The following TRIO variants were observed in gnomAD, a reference collection of about 807,000 sequenced individuals.
TRIO encodes triple functional domain protein.
In TRIO, 58 loss-of-function variants were observed where a neutral mutation model predicts 351.9. That is an observed-to-expected ratio of 0.16 (90% CI 0.13 to 0.21). The LOEUF is 0.21. Ranked by LOEUF, TRIO falls within the 10% of genes least tolerant of loss-of-function variation. TRIO has a pLI of 1.00. For missense variants in TRIO, 3,201 were observed against 4,027.8 expected, an observed-to-expected ratio of 0.79 and a Z score of 5.56; for synonymous variants, 1,758 against 1,595.7, an observed-to-expected ratio of 1.10 and a Z score of -2.42.
intron 34 of TRIO, among the ~76,000 whole-genome samples, chr5:14,435,316 C>T (rs956544632): frequency 2.6e-5 from 4 of 152,188 alleles, no homozygotes; most frequent in African/African-American, 9.7e-5. Context: ...AAGCTGAGCT[C>T]CTCCCCGCTG....
chr5:14,233,316 T>TAAAAAA (rs35925373), intron 1 of TRIO, among the ~76,000 whole-genome samples: 1 of 109,214 alleles, frequency 9.2e-6, no homozygotes, highest in African/African-American at 3.7e-5. Context: ...CCTCGTCTCT[T>TAAAAAA]AAAAAAAAAA....
At position 14,498,481 on chromosome 5, in the gene TRIO, C is replaced by T. The variant is rs1278140527; in HGVS notation, c.8211-38C>T. The T allele has an allele frequency of 2.5e-6, 4 of 1,601,330 alleles. No homozygotes were observed. The South Asian group carries it at 3.3e-5, about 13-fold the overall frequency. On this transcript the variant is annotated intron_variant, in intron 52 of 56. Transcript: ENST00000344204. ...CCAGCGCTGATGGCCACGTGCTCAG[C>T]TTTTCTGATGCGCAGTGTGTTCCCA...
At position 14,497,729 on chromosome 5, in the gene TRIO, A is replaced by G. The variant is rs995191700; in HGVS notation, c.8020-118A>G. ...GTGAAAATGTGGTCTGTTTTGATTGATGCCCAGGCAAGTCAGTTTCTGCAA... is the reference window on the plus strand; with the variant it reads ...GTGAAAATGTGGTCTGTTTTGATTGGTGCCCAGGCAAGTCAGTTTCTGCAA... On this transcript the variant is annotated intron_variant, in intron 50 of 56. Coordinates refer to ENST00000344204, the MANE Select transcript of TRIO (RefSeq NM_007118.4). This position sits in a 1 kb window ranked among gnomAD's most constrained non-coding sequence, Gnocchi z 4.4. 7.5e-7 allele frequency: 1 copy of G among 1,332,810 alleles called. No individual in the cohort carries two copies. The highest frequency in any genetic ancestry group is 1.4e-5 in the African/African-American group (1 of 69,082). The allele number at this position is 1,332,810 out of a possible 1,614,324, so 82.6% of individuals were successfully genotyped here.
At chr5:14,404,389 C>A (rs1217161714) in intron 31 of TRIO, among the ~76,000 whole-genome samples, 1 of 152,032 alleles carries the variant, frequency 6.6e-6, no homozygotes, top group African/African-American at 2.4e-5. Flanking sequence ...GAAAAACTGA[C>A]ATCTTTTTTC....
At chr5:14,157,184 C>CTGT (rs1430356034) in intron 1 of TRIO, among the ~76,000 whole-genome samples, 1 of 152,128 alleles carries the variant, frequency 6.6e-6, no homozygotes, top group Non-Finnish European at 1.5e-5. Flanking sequence ...ACTTGAAAGA[C>CTGT]TGTTGCTTAC....
intron 43 of TRIO, 119 bp from the exon 44 acceptor site, chr5:14,481,115 C>T: frequency 1.9e-6 from 2 of 1,053,104 alleles, no homozygotes; most frequent in Non-Finnish European, 2.8e-6. Flanking sequence ...CACTTGAGGC[C>T]AGGAGTTCAA....
intron 48 of TRIO, chr5:14,490,807 G>A (rs1427646717): frequency 4.4e-6 from 2 of 456,078 alleles, no homozygotes; most frequent in Non-Finnish European, 8.8e-6. Context: ...ACCAAAAGCA[G>A]CTGTGCTGCA....
chr5:14,507,843 G>T (rs139200330), intron 56 of TRIO, 37 bp from the exon 57 acceptor site: 2 of 1,587,818 alleles, frequency 1.3e-6, no homozygotes, highest in African/African-American at 1.3e-5. Context: ...CTTAAGATTG[G>T]ATGGTCTGAA....
At chr5:14,304,028 A>G (rs551138189) in intron 7 of TRIO, among the ~76,000 whole-genome samples, 4 of 152,322 alleles carry the variant, frequency 2.6e-5, no homozygotes, top group African/African-American at 9.6e-5. Context: ...GTGTAGCTGC[A>G]AGGAGAAGGA....
intron 2 of TRIO, among the ~76,000 whole-genome samples, chr5:14,274,753 A>G (rs1466448392): frequency 6.6e-6 from 1 of 152,196 alleles, no homozygotes; most frequent in East Asian, 1.9e-4. Context: ...TTTCAAATGC[A>G]TGATTTTAAA....
chr5:14,381,707 T>C (rs434279), intron 21 of TRIO, among the ~76,000 whole-genome samples: 42,269 of 152,208 alleles, frequency 0.28, 6,051 homozygotes, highest in Middle Eastern at 0.37. Context: ...ACGCTCAGTT[T>C]AGTCTGCAGT....
At chr5:14,314,736 A>T (rs914632416) in intron 8 of TRIO, among the ~76,000 whole-genome samples, 5 of 152,240 alleles carry the variant, frequency 3.3e-5, no homozygotes, top group African/African-American at 1.2e-4. Flanking sequence ...ACCCAAATCA[A>T]TCATGGTGCC....
intron 36 of TRIO, 76 bp from the exon 37 acceptor site, chr5:14,465,469 A>G (rs947892531): frequency 8.6e-6 from 12 of 1,390,614 alleles, no homozygotes; most frequent in Non-Finnish European, 1.2e-5. Context: ...TGGAGCTTGC[A>G]GGGGAATTTA....
At chr5:14,248,130 T>TGAC (rs957499440) in intron 1 of TRIO, among the ~76,000 whole-genome samples, 3 of 151,884 alleles carry the variant, frequency 2.0e-5, no homozygotes, top group Non-Finnish European at 1.5e-5. Context: ...TATTAGCTTA[T>TGAC]GACTGTGGGA....
Position 14,169,197 on chromosome 5 carries a change from C to CT in TRIO, c.157+25331dup, listed in dbSNP as rs3994005. Among the ~76,000 whole-genome samples, 420 of 140,420 alleles carry CT rather than the reference C, an allele frequency of 3.0e-3. 2 individuals carry two copies. The highest frequency in any genetic ancestry group is 0.018 in the Middle Eastern group (5 of 274). The allele number at this position is 140,420 out of a possible 152,430, so 92.1% of individuals were successfully genotyped here. On this transcript the variant is annotated intron_variant, in intron 1 of 56. Coordinates refer to ENST00000344204, the MANE Select transcript of TRIO (RefSeq NM_007118.4). ...CTTTTTTAATGGGCAATAAAACTGC[C>CT]TTTTTTTTTTTTTTTTACTTTTCTC...
chr5:14,493,858 C>G (rs908890982), intron 49 of TRIO, among the ~76,000 whole-genome samples: 1 of 152,206 alleles, frequency 6.6e-6, no homozygotes, highest in Non-Finnish European at 1.5e-5. Context: ...GCAAAACAGC[C>G]TTTGCTGAGA....
intron 11 of TRIO, among the ~76,000 whole-genome samples, chr5:14,350,789 A>G (rs551252049): frequency 6.6e-6 from 1 of 151,778 alleles, no homozygotes; most frequent in East Asian, 1.9e-4. Context: ...TCCTTCATAA[A>G]TTTTCTTTGA....
intron 11 of TRIO, among the ~76,000 whole-genome samples, chr5:14,348,829 A>ATG (rs1491061447): frequency 9.4e-6 from 1 of 106,936 alleles, no homozygotes; most frequent in Non-Finnish European, 1.9e-5. Flanking sequence ...CTGCGTGTTT[A>ATG]TGTGTGTGTA....
chr5:14,504,308 A>G lies in TRIO; in HGVS notation c.8412-85A>G, dbSNP rs532265829. The G allele has an allele frequency of 2.2e-3, 3,277 of 1,473,510 alleles. 5 individuals are homozygous for G. Among genetic ancestry groups the G allele is most frequent in the Non-Finnish European group, 2.7e-3 (2,935 of 1,074,730 alleles). The allele number at this position is 1,473,510 out of a possible 1,614,324, so 91.3% of individuals were successfully genotyped here. A position where few individuals can be genotyped will look rare whatever the true frequency, so the allele number is the denominator to read the frequency against. Reference sequence around the variant, plus strand: ...TCTGGACAGGGCTGGGCCACCACACAGCCAGTCCATTTAGGATAACAGAGT... The same window carrying G: ...TCTGGACAGGGCTGGGCCACCACACGGCCAGTCCATTTAGGATAACAGAGT... On this transcript the variant is annotated intron_variant, in intron 54 of 56. Coordinates refer to ENST00000344204, the MANE Select transcript of TRIO (RefSeq NM_007118.4).
Sources: gnomAD v4.1 joint callset for allele counts (sites outside exome capture counted in the v4.1 genomes callset) on GRCh38, gnomAD v4.1.1 for gene constraint, Gnocchi (gnomAD v3.1) non-coding constraint, MANE v1.5 for transcripts, NCBI Gene and HGNC (gene_info 2026-07-23, HGNC 2026-07-21) for gene names.